NEK10: variants seen among roughly 807,000 people sequenced by gnomAD.
NEK10 encodes the protein serine/threonine-protein kinase Nek10.
NEK10 carries 122 observed loss-of-function variants against 159.8 expected under a neutral mutation model. That is an observed-to-expected ratio of 0.76 (90% CI 0.66 to 0.89). NEK10 has a LOEUF of 0.89. NEK10 is among the 40% of genes least tolerant of loss of function. The pLI is 0.00. For synonymous variants in NEK10, 466 were observed against 457.1 expected (o/e 1.02, Z -0.25); for missense variants, 1,342 against 1,323.1 (o/e 1.01, Z -0.22).
At chr3:27,315,449 TA>T (rs2045079415) in intron 6 of NEK10, among the ~76,000 whole-genome samples, 1 of 152,194 alleles carries the variant, frequency 6.6e-6, no homozygotes, top group African/African-American at 2.4e-5. Context: ...AGAACTCAAT[TA>T]AAAATAGTTC....
In NEK10 at chr3:27,266,936, G is replaced by A. The variant is rs575918284; in HGVS notation, c.2015-10565C>T. On this transcript the variant is annotated intron_variant, in intron 22 of 35. Transcript: ENST00000691995. ...CACTGGCACTATATCCAGCTTCCTG[G>A]CAAGTTTTGCAAGCACCCCAGCAGA... Among the ~76,000 whole-genome samples, 3 of 152,244 alleles carry A rather than the reference G, an allele frequency of 2.0e-5. No homozygotes were observed. In the East Asian group the frequency reaches 5.8e-4, roughly 30 times the overall value.
At position 27,304,866 on chromosome 3, in the gene NEK10, G is replaced by T. The variant is rs752237063; in HGVS notation, c.909C>A (p.Asp303Glu). 1.2e-6 allele frequency: 2 copies of T among 1,613,294 alleles called. No homozygotes were observed. The highest frequency in any genetic ancestry group is 2.7e-5 in the African/African-American group (2 of 74,908). The change falls in exon 12 of 36, where the codon GAC becomes GAA. Residue 303 changes from aspartate (D) to glutamate (E), a missense_variant. Coordinates refer to ENST00000691995, the MANE Select transcript of NEK10 (RefSeq NM_001394966.1). ...IPVLLSLLHS[D>E]HLKLLWSIVW... Reference sequence around the variant, plus strand: ...CAATGCTCCAGAGGAGCTTCAAGTGGTCAGAGTGGAGCAGACTGAGGAGGA... The same window carrying T: ...CAATGCTCCAGAGGAGCTTCAAGTGTTCAGAGTGGAGCAGACTGAGGAGGA...
chr3:27,257,973 T>C (rs1429925390), intron 22 of NEK10, among the ~76,000 whole-genome samples: 6 of 151,662 alleles, frequency 4.0e-5, no homozygotes, highest in Non-Finnish European at 7.4e-5. Context: ...ATTTTTTGTA[T>C]TTTTAGTAGA....
intron 30 of NEK10, among the ~76,000 whole-genome samples, chr3:27,152,615 A>G (rs1409943988): frequency 6.6e-6 from 1 of 152,174 alleles, no homozygotes; most frequent in Non-Finnish European, 1.5e-5. Context: ...AAAAAAAACA[A>G]AAGTACACAG....
intron 23 of NEK10, among the ~76,000 whole-genome samples, chr3:27,254,918 TACACACAC>T (rs3035705): frequency 1.4e-5 from 2 of 141,886 alleles, no homozygotes; most frequent in South Asian, 2.3e-4. Context: ...CTCTTTCTCT[TACACACAC>T]ACACACACAC....
rs139845552 is a variant in NEK10, at chr3:27,131,513, T to C, written c.3081+367A>G. Among the ~76,000 whole-genome samples, 578 of 152,282 alleles carry C rather than the reference T, an allele frequency of 3.8e-3. 3 individuals carry two copies. Among genetic ancestry groups the C allele is most frequent in the African/African-American group, 0.013 (559 of 41,556 alleles). On this transcript the variant is annotated intron_variant, in intron 32 of 35. Coordinates refer to ENST00000691995, the MANE Select transcript of NEK10 (RefSeq NM_001394966.1). ...ATAATAAAAAATCAATGGCCCCAGA[T>C]GGTTAAATGACTTCTTCAGAGTGAC...
intron 23 of NEK10, among the ~76,000 whole-genome samples, chr3:27,204,303 T>TTTTG (rs1950316110): frequency 5.9e-5 from 3 of 51,278 alleles, no homozygotes; most frequent in African/African-American, 4.4e-4. Context: ...TTGTTGTTGT[T>TTTTG]TTTTTTTTTT....
intron 30 of NEK10, among the ~76,000 whole-genome samples, chr3:27,156,580 T>G (rs906015980): frequency 2.6e-5 from 4 of 151,784 alleles, no homozygotes; most frequent in South Asian, 2.1e-4. Flanking sequence ...AGCAGGGAAA[T>G]GCAAATCAAA....
rs13316644 is a variant in NEK10 at position 27,142,909 on chromosome 3, C to T, written c.2870-1327G>A. 8.3e-3 allele frequency among the ~76,000 whole-genome samples: 1,260 copies of T among 152,206 alleles called. 15 individuals carry two copies. The highest frequency in any genetic ancestry group is 0.029 in the African/African-American group (1,207 of 41,540). The stretch of plus-strand genomic sequence containing the variant: ...AGTTCTAGCTCATCTGCAGTTAATA[C>T]CTTGTTTAAATGTTTGAAATTTAAA... On this transcript the variant is annotated intron_variant, in intron 30 of 35. Transcript: ENST00000691995.
chr3:27,206,715 G>A (rs1309658072), intron 23 of NEK10: 1 of 704,368 alleles, frequency 1.4e-6, no homozygotes, highest in Non-Finnish European at 1.7e-6. Flanking sequence ...ACGAAAATAG[G>A]GTTAAAGCAG....
chr3:27,251,049 G>A (rs1483499565), intron 23 of NEK10, among the ~76,000 whole-genome samples: 1 of 152,058 alleles, frequency 6.6e-6, no homozygotes, highest in Non-Finnish European at 1.5e-5. Context: ...TGCCAGCCAG[G>A]CACTGTTCCC....
chr3:27,230,693 G>T (rs1305796073), intron 23 of NEK10, among the ~76,000 whole-genome samples: 1 of 151,852 alleles, frequency 6.6e-6, no homozygotes, highest in Non-Finnish European at 1.5e-5. Flanking sequence ...CATGCAAAAA[G>T]AAATGAAAAG....
chr3:27,158,302 G>C (rs2148794757), intron 30 of NEK10, among the ~76,000 whole-genome samples: 2 of 152,130 alleles, frequency 1.3e-5, no homozygotes, highest in Middle Eastern at 6.8e-3. Flanking sequence ...ATTTTTATAT[G>C]ATTAAAAATG....
At chr3:27,236,496 T>C (rs1183035519) in intron 23 of NEK10, among the ~76,000 whole-genome samples, 1 of 152,086 alleles carries the variant, frequency 6.6e-6, no homozygotes, top group East Asian at 1.9e-4. Flanking sequence ...GCTCCCAATA[T>C]TTCAATGTAG....
chr3:27,366,629 C>A (rs1457645800), intron 1 of NEK10, among the ~76,000 whole-genome samples: 1 of 152,154 alleles, frequency 6.6e-6, no homozygotes, highest in Non-Finnish European at 1.5e-5. Flanking sequence ...TAAATACTCA[C>A]TGAATGATTG....
At position 27,295,668 on chromosome 3, in the gene NEK10, G is replaced by C; in HGVS notation, c.1253C>G (p.Ala418Gly). The part of the protein sequence containing the change: ...VVQENGVYTI[A>G]KLILPNKQKN... The stretch of plus-strand genomic sequence containing the variant: ...TTGCTTATTTGGTAAAATTAATTTT[G>C]CTATTGTATATACACCATTTTCCTG... Residue 418 changes from alanine (A) to glycine (G), a missense_variant, in exon 15 of 36, where the codon GCA becomes GGA. Physicochemically the swap from Ala to Gly is moderately conservative, Grantham distance 60. Coordinates refer to ENST00000691995, the MANE Select transcript of NEK10 (RefSeq NM_001394966.1). 2 of 1,566,628 alleles carry C rather than the reference G, an allele frequency of 1.3e-6. No individual in the cohort carries two copies. The highest frequency in any genetic ancestry group is 1.7e-6 in the Non-Finnish European group (2 of 1,153,316).
At chr3:27,217,954 A>G (rs983462265) in intron 23 of NEK10, among the ~76,000 whole-genome samples, 2 of 152,202 alleles carry the variant, frequency 1.3e-5, no homozygotes, top group Non-Finnish European at 2.9e-5. Flanking sequence ...AACAATAACT[A>G]ATAACAAAAT....
intron 23 of NEK10, among the ~76,000 whole-genome samples, chr3:27,244,112 T>C (rs1329065625): frequency 6.6e-6 from 1 of 152,148 alleles, no homozygotes; most frequent in South Asian, 2.1e-4. Context: ...AAATTCTAGG[T>C]CTTCCAGTGT....
In NEK10 at chr3:27,301,688, A is replaced by G. The variant is rs760973775; in HGVS notation, c.1168+8T>C. 58 of 1,529,970 alleles carry G rather than the reference A, an allele frequency of 3.8e-5. No individual in the cohort carries two copies. In the South Asian group the frequency reaches 6.6e-4, roughly 17 times the overall value. The allele number at this position is 1,529,970 out of a possible 1,614,324, so 94.8% of individuals were successfully genotyped here. A position where few individuals can be genotyped will look rare whatever the true frequency, so the allele number is the denominator to read the frequency against. On this transcript the variant is annotated splice_region_variant and intron_variant, in intron 13 of 35. Transcript: ENST00000691995. Reference sequence around the variant, plus strand: ...ATTATAGCATATCAAATAATAAAACATAAATACCTGCTTGAAGTGAGAAAG... The same window carrying G: ...ATTATAGCATATCAAATAATAAAACGTAAATACCTGCTTGAAGTGAGAAAG...
Sources: allele counts gnomAD v4.1 joint callset (sites outside exome capture counted in the v4.1 genomes callset), GRCh38; gene constraint gnomAD v4.1.1; transcripts MANE v1.5; gene names NCBI Gene and HGNC (gene_info 2026-07-23, HGNC 2026-07-21).